The following ADAMTSL1 variants were observed in gnomAD, a reference collection of about 807,000 sequenced individuals.
The protein encoded by ADAMTSL1 is ADAMTS like 1, also known as ADAMTS-like protein 1.
ADAMTSL1 carries 126 observed loss-of-function variants against 201.8 expected under a neutral mutation model. That is an observed-to-expected ratio of 0.62 (90% CI 0.54 to 0.72). The LOEUF (loss-of-function observed/expected upper bound fraction) is 0.72. Ranked by LOEUF, ADAMTSL1 falls within the 30% of genes least tolerant of loss-of-function variation. The pLI, the probability that ADAMTSL1 is intolerant of heterozygous loss-of-function variation, is 0.00. For missense variants in ADAMTSL1, 2,679 were observed against 2,277.8 expected (o/e 1.18, Z -3.59); for synonymous variants, 1,121 against 903.4 (o/e 1.24, Z -4.32).
intron 1 of ADAMTSL1, among the ~76,000 whole-genome samples, chr9:17,927,396 A>T (rs995591680): frequency 1.3e-4 from 20 of 152,240 alleles, no homozygotes; most frequent in African/African-American, 4.8e-4. Flanking sequence ...ATATACGTAC[A>T]TATATACATA....
intron 23 of ADAMTSL1, among the ~76,000 whole-genome samples, chr9:18,854,980 C>T (rs181002164): frequency 2.6e-5 from 4 of 152,240 alleles, no homozygotes; most frequent in Non-Finnish European, 5.9e-5. Flanking sequence ...GTGAGGTCTT[C>T]AGAAATAGTC....
intron 2 of ADAMTSL1, among the ~76,000 whole-genome samples, chr9:18,241,842 A>T (rs1181923310): frequency 2.6e-5 from 4 of 152,162 alleles, no homozygotes; most frequent in African/African-American, 9.6e-5. Flanking sequence ...AATCCTGAAC[A>T]GATCAATAAC....
chr9:18,089,685 A>G (rs985196287), intron 1 of ADAMTSL1, among the ~76,000 whole-genome samples: 2 of 152,222 alleles, frequency 1.3e-5, no homozygotes, highest in African/African-American at 4.8e-5. Context: ...CAAATATGGC[A>G]TGATTCCACT....
chr9:18,580,505 A>G (rs1384324763), intron 4 of ADAMTSL1, among the ~76,000 whole-genome samples: 1 of 152,174 alleles, frequency 6.6e-6, no homozygotes, highest in Non-Finnish European at 1.5e-5. Context: ...TTTTTCTTAA[A>G]ATATTTAATG....
chr9:18,374,106 C>T (rs1837177983), intron 2 of ADAMTSL1, among the ~76,000 whole-genome samples: 1 of 152,110 alleles, frequency 6.6e-6, no homozygotes, highest in Non-Finnish European at 1.5e-5. Context: ...TGTGTATGGC[C>T]TGGGCATCAG....
chr9:17,926,437 C>T (rs1166881748), intron 1 of ADAMTSL1, among the ~76,000 whole-genome samples: 2 of 151,416 alleles, frequency 1.3e-5, no homozygotes, highest in African/African-American at 4.9e-5. Context: ...ACGCTTGGCT[C>T]ACTGGGCGTA....
chr9:18,817,478 C>A (rs528683584), intron 21 of ADAMTSL1, among the ~76,000 whole-genome samples: 1 of 152,282 alleles, frequency 6.6e-6, no homozygotes, highest in South Asian at 2.1e-4. Flanking sequence ...TTTCTTTAAT[C>A]TTAGCCTTCC....
At chr9:17,976,361 G>A (rs138599066) in intron 1 of ADAMTSL1, among the ~76,000 whole-genome samples, 3 of 151,726 alleles carry the variant, frequency 2.0e-5, no homozygotes, top group Non-Finnish European at 2.9e-5. Flanking sequence ...CGTGAACATG[G>A]GATATCTTTC....
intron 1 of ADAMTSL1, among the ~76,000 whole-genome samples, chr9:17,958,228 C>G (rs555744516): frequency 6.6e-4 from 101 of 152,168 alleles, no homozygotes; most frequent in African/African-American, 2.3e-3. Flanking sequence ...CACATAAAAC[C>G]TCCTTGAGTT....
chr9:17,966,918 C>T (rs893699707), intron 1 of ADAMTSL1, among the ~76,000 whole-genome samples: 2 of 152,048 alleles, frequency 1.3e-5, no homozygotes, highest in African/African-American at 4.8e-5. Context: ...AATTGATTTT[C>T]CAACATCTTT....
intron 4 of ADAMTSL1, among the ~76,000 whole-genome samples, chr9:18,582,759 G>T (rs1823184820): frequency 1.3e-5 from 2 of 151,968 alleles, no homozygotes; most frequent in Admixed American, 6.6e-5. Context: ...TGAAGCAGGA[G>T]AATTGCTTGA....
intron 1 of ADAMTSL1, among the ~76,000 whole-genome samples, chr9:17,950,818 A>G (rs988225501): frequency 6.6e-6 from 1 of 152,146 alleles, no homozygotes; most frequent in Admixed American, 6.5e-5. Flanking sequence ...TATGTGGGTA[A>G]TGTTTCAGAA....
At chr9:18,243,080 T>G (rs1453351161) in intron 2 of ADAMTSL1, among the ~76,000 whole-genome samples, 1 of 152,128 alleles carries the variant, frequency 6.6e-6, no homozygotes, top group Non-Finnish European at 1.5e-5. Context: ...TGATTTAAAA[T>G]TATATTACAA....
At chr9:18,690,322 T>C (rs1317277605) in intron 13 of ADAMTSL1, among the ~76,000 whole-genome samples, 2 of 151,850 alleles carry the variant, frequency 1.3e-5, no homozygotes, top group Non-Finnish European at 2.9e-5. Context: ...ACTCAGTGGT[T>C]AAGAATGTGA....
At chr9:17,936,688 G>C (rs539809123) in intron 1 of ADAMTSL1, among the ~76,000 whole-genome samples, 1 of 152,272 alleles carries the variant, frequency 6.6e-6, no homozygotes, top group Admixed American at 6.5e-5. Flanking sequence ...AGGAATACCA[G>C]AGGCAAGAGG....
chr9:18,478,945 T>C (rs1031899289), intron 1 of ADAMTSL1, among the ~76,000 whole-genome samples: 8 of 152,162 alleles, frequency 5.3e-5, no homozygotes, highest in Non-Finnish European at 8.8e-5. Flanking sequence ...AACCATACCA[T>C]GTGGTTGAAT....
At chr9:18,159,342 A>G (rs533509606) in intron 1 of ADAMTSL1, among the ~76,000 whole-genome samples, 2 of 152,154 alleles carry the variant, frequency 1.3e-5, no homozygotes, top group African/African-American at 2.4e-5. Context: ...GCTATGATTC[A>G]GTTTTCACAG....
intron 1 of ADAMTSL1, among the ~76,000 whole-genome samples, chr9:18,017,359 C>G (rs1820302013): frequency 6.6e-6 from 1 of 151,766 alleles, no homozygotes; most frequent in Non-Finnish European, 1.5e-5. Context: ...GGGGGAGTAT[C>G]CTGCTTTCCC....
intron 1 of ADAMTSL1, among the ~76,000 whole-genome samples, chr9:18,135,437 G>T (rs1440426884): frequency 6.6e-6 from 1 of 152,088 alleles, no homozygotes; most frequent in Non-Finnish European, 1.5e-5. Context: ...TTGCTGAAAG[G>T]AAGGAGGGCA....
Sources: gnomAD v4.1 joint callset for allele counts (sites outside exome capture counted in the v4.1 genomes callset) on GRCh38, gnomAD v4.1.1 for gene constraint, MANE v1.5 for transcripts, NCBI Gene and HGNC (gene_info 2026-07-23, HGNC 2026-07-21) for gene names.